The following FBN3 variants were observed in gnomAD, a reference collection of about 807,000 sequenced individuals.
FBN3 encodes fibrillin 3.
FBN3 carries 234 observed loss-of-function variants against 330.1 expected under a neutral mutation model. That is an observed-to-expected ratio of 0.71 (90% CI 0.64 to 0.79). FBN3 has a LOEUF of 0.79. FBN3 is among the 30% of genes least tolerant of loss of function. The probability of loss-of-function intolerance (pLI) is 0.00; values close to 1 mark genes in which losing one functional copy is unlikely to be tolerated. For missense variants in FBN3, 3,606 were observed against 3,886.9 expected, an observed-to-expected ratio of 0.93 and a Z score of 1.92; for synonymous variants, 1,458 against 1,517.3, an observed-to-expected ratio of 0.96 and a Z score of 0.91.
At chr19:8,125,416 G>GA (rs1234421500) in intron 22 of FBN3, among the ~76,000 whole-genome samples, 5 of 117,220 alleles carry the variant, frequency 4.3e-5, no homozygotes, top group African/African-American at 1.9e-4. Context: ...CCTGTCTCAA[G>GA]AAAAAAGAAA....
rs1473459047 is a variant in FBN3 at position 8,103,702 on chromosome 19, G to T, written c.4814-15C>A. ...TTCGTCAATATCTGCAGGGAAAGAAGGGGTGGAGGGGAACAGTGGGCAGCG... is the reference window on the plus strand; with the variant it reads ...TTCGTCAATATCTGCAGGGAAAGAATGGGTGGAGGGGAACAGTGGGCAGCG... On this transcript the variant is annotated splice_polypyrimidine_tract_variant and intron_variant, in intron 38 of 63. Transcript: ENST00000600128. 6.2e-7 allele frequency: 1 copy of T among 1,611,192 alleles called. No homozygotes were observed. The highest frequency in any genetic ancestry group is 1.7e-5 in the Admixed American group (1 of 59,838).
chr19:8,091,118 T>G (rs1301462055), intron 48 of FBN3, among the ~76,000 whole-genome samples: 2 of 152,126 alleles, frequency 1.3e-5, no homozygotes, highest in African/African-American at 4.8e-5. Context: ...TAGCCCACAG[T>G]AGACAAGGCT....
chr19:8,136,407 G>A lies in FBN3; in HGVS notation c.1326C>T (p.Asp442=), dbSNP rs776748180. The part of the protein sequence containing the change: ...RCECNVGYTQ[D]VRGECIDVDE... ...GCTCACCAATGCACTCGCCGCGCAC[G>A]TCCTGGGTGTAGCCCACGTTACACT... Residue 442 remains aspartate (D), a synonymous_variant, in exon 11 of 64, where the codon GAC becomes GAT. Transcript: ENST00000600128. The A allele has an allele frequency of 9.3e-6, 15 of 1,613,978 alleles. No individual in the cohort carries two copies. The highest frequency in any genetic ancestry group is 1.6e-4 in the Middle Eastern group (1 of 6,082).
intron 47 of FBN3, among the ~76,000 whole-genome samples, chr19:8,094,200 G>A (rs921446814): frequency 2.0e-5 from 3 of 152,174 alleles, no homozygotes; most frequent in Non-Finnish European, 4.4e-5. Flanking sequence ...ACTGAGAAAC[G>A]GTGAGACCCC....
At chr19:8,134,384 TC>T (rs1445771115) in intron 13 of FBN3, among the ~76,000 whole-genome samples, 3 of 152,136 alleles carry the variant, frequency 2.0e-5, no homozygotes, top group African/African-American at 7.2e-5. Context: ...CACACTGTGG[TC>T]TATTCATGTA....
chr19:8,096,773 C>A lies in FBN3; in HGVS notation c.5413+108G>T, dbSNP rs1340303064. On this transcript the variant is annotated intron_variant, in intron 43 of 63. Coordinates refer to ENST00000600128, the MANE Select transcript of FBN3 (RefSeq NM_032447.5). The surrounding 1 kb of genome is among the most constrained non-coding windows in gnomAD (Gnocchi z 4.6). ...ACACTCTCAATACATCCCCCACCCC[C>A]CTAATAGTATAGAAAAGGAGAAAGA... 2.9e-6 allele frequency: 4 copies of A among 1,386,808 alleles called. No individual in the cohort carries two copies. Among genetic ancestry groups the A allele is most frequent in the South Asian group, 2.6e-5 (2 of 77,804 alleles). The allele number at this position is 1,386,808 out of a possible 1,614,324, so 85.9% of individuals were successfully genotyped here.
intron 32 of FBN3, among the ~76,000 whole-genome samples, 179 bp from the exon 33 acceptor site, chr19:8,111,362 G>A (rs1409752606): frequency 6.6e-6 from 1 of 152,096 alleles, no homozygotes; most frequent in Non-Finnish European, 1.5e-5. Context: ...GGGACAGGGA[G>A]GGGAGAGGTG....
chr19:8,081,523 C>T (rs767871779), intron 57 of FBN3, 43 bp from the exon 58 acceptor site: 2 of 1,555,616 alleles, frequency 1.3e-6, no homozygotes, highest in Non-Finnish European at 1.7e-6. Flanking sequence ...GTTAGACAGA[C>T]ATTCCCTGGG....
intron 1 of FBN3, among the ~76,000 whole-genome samples, chr19:8,148,072 C>T (rs1369469141): frequency 2.0e-5 from 3 of 151,894 alleles, no homozygotes; most frequent in East Asian, 1.9e-4. Context: ...GCCCAGAGAG[C>T]GTCCAGGGTA....
At chr19:8,088,314 AG>A in intron 51 of FBN3, 135 bp from the exon 52 acceptor site, 1 of 1,085,078 alleles carries the variant, frequency 9.2e-7, no homozygotes, top group Non-Finnish European at 1.3e-6. Flanking sequence ...GCTATGGGGC[AG>A]GCAAGCGGTA....
intron 45 of FBN3, among the ~76,000 whole-genome samples, chr19:8,095,749 A>G (rs1434403969): frequency 6.6e-6 from 1 of 152,038 alleles, no homozygotes; most frequent in African/African-American, 2.4e-5. Context: ...ATGTATTTTC[A>G]TATGTTATGC....
intron 26 of FBN3, among the ~76,000 whole-genome samples, chr19:8,118,239 G>T (rs2144875788): frequency 6.6e-6 from 1 of 152,092 alleles, no homozygotes; most frequent in East Asian, 1.9e-4. Flanking sequence ...ACATGCATTT[G>T]CATCCAACTA....
intron 3 of FBN3, 48 bp downstream of exon 3, chr19:8,147,056 G>A (rs1202023065): frequency 4.7e-6 from 7 of 1,492,116 alleles, no homozygotes; most frequent in Non-Finnish European, 6.3e-6. Context: ...GCAGGTAAGA[G>A]TGTCCCCGGC....
At position 8,126,260 on chromosome 19, in the gene FBN3, G is replaced by A. The variant is rs1185226547; in HGVS notation, c.2605+37C>T. On this transcript the variant is annotated intron_variant, in intron 21 of 63. Coordinates refer to ENST00000600128, the MANE Select transcript of FBN3 (RefSeq NM_032447.5). ...GTGCGCCTGGTTGTGTGCGGGCTCT[G>A]GAGTAGGGGGTGAGCTGGACACGGG... The A allele has an allele frequency of 7.0e-6, 11 of 1,574,176 alleles. No homozygotes were observed. The African/African-American group carries it at 1.5e-4, about 21-fold the overall frequency.
intron 59 of FBN3, among the ~76,000 whole-genome samples, chr19:8,075,629 C>T (rs529150936): frequency 2.0e-5 from 3 of 152,306 alleles, no homozygotes; most frequent in East Asian, 1.9e-4. Context: ...TCCACCGCCT[C>T]GAAGCTGTGT....
rs1189209382 is a variant in FBN3 at position 8,096,343 on chromosome 19, C to T, written c.5539+101G>A. 23 of 1,428,408 alleles carry T rather than the reference C, an allele frequency of 1.6e-5. No homozygotes were observed. Among genetic ancestry groups the T allele is most frequent in the Non-Finnish European group, 2.2e-5 (23 of 1,061,434 alleles). 88.5% of individuals were successfully genotyped at this position (1,428,408 alleles called of 1,614,324 possible). A position where few individuals can be genotyped will look rare whatever the true frequency, so the allele number is the denominator to read the frequency against. ...AATCTCAGGACCCAAACTTGGATCT[C>T]TTTGTGAACTAGGATGGACAGAAAC... is the stretch of plus-strand genomic sequence containing the variant. On this transcript the variant is annotated intron_variant, in intron 44 of 63. Coordinates refer to ENST00000600128, the MANE Select transcript of FBN3 (RefSeq NM_032447.5). The surrounding 1 kb of genome is among the most constrained non-coding windows in gnomAD (Gnocchi z 4.6).
At chr19:8,143,200 C>T (rs1033531222) in intron 6 of FBN3, among the ~76,000 whole-genome samples, 5 of 152,264 alleles carry the variant, frequency 3.3e-5, no homozygotes, top group Middle Eastern at 3.4e-3. Context: ...CCTTCTCTCA[C>T]GGGGATCCTC....
intron 22 of FBN3, among the ~76,000 whole-genome samples, chr19:8,124,505 TG>T: frequency 6.6e-6 from 1 of 150,968 alleles, no homozygotes; most frequent in African/African-American, 2.4e-5. Flanking sequence ...CCCAAAGTGC[TG>T]GGATTACAGG....
At chr19:8,106,349 C>T in intron 37 of FBN3, 116 bp from the exon 38 acceptor site, 1 of 1,028,936 alleles carries the variant, frequency 9.7e-7, no homozygotes, top group Admixed American at 2.1e-5. Context: ...CAAGTGCTGT[C>T]CATGACTGAT....
Sources: gnomAD v4.1 joint callset for allele counts (sites outside exome capture counted in the v4.1 genomes callset) on GRCh38, gnomAD v4.1.1 for gene constraint, Gnocchi (gnomAD v3.1) non-coding constraint, MANE v1.5 for transcripts, NCBI Gene and HGNC (gene_info 2026-07-23, HGNC 2026-07-21) for gene names.